SEC16B: variants seen among roughly 807,000 people sequenced by gnomAD.
SEC16B encodes the protein SEC16 homolog B, endoplasmic reticulum export factor.
SEC16B carries 115 observed loss-of-function variants against 141.8 expected under a neutral mutation model. The observed-to-expected ratio is 0.81, with a 90% CI of 0.70 to 0.95. The LOEUF (loss-of-function observed/expected upper bound fraction) is 0.95. Among genes scored for constraint, SEC16B ranks in the 40% least tolerant of loss-of-function variants. The pLI is 0.00. For missense variants in SEC16B, 1,291 were observed against 1,312.3 expected (o/e 0.98, Z 0.25); for synonymous variants, 493 against 492.5 (o/e 1.00, Z -0.01).
In SEC16B at chr1:177,960,772, G is replaced by T; in HGVS notation, c.936+19C>A. 1 of 1,596,352 alleles carries T rather than the reference G, an allele frequency of 6.3e-7. No individual in the cohort carries two copies. Among genetic ancestry groups the T allele is most frequent in the East Asian group, 2.3e-5 (1 of 44,250 alleles). The stretch of plus-strand genomic sequence containing the variant: ...GTAAGCAGTGTGCCAGCATTCCAGG[G>T]ACACTGGGTCTTCTTTACCTCCATG... On this transcript the variant is annotated intron_variant, in intron 7 of 25. Coordinates refer to ENST00000308284, the MANE Select transcript of SEC16B (RefSeq NM_033127.4).
chr1:177,944,150 G>A (rs1374129338), intron 15 of SEC16B, among the ~76,000 whole-genome samples: 1 of 152,192 alleles, frequency 6.6e-6, no homozygotes. Flanking sequence ...AAGGAGTGCG[G>A]AGCAGAGGGA....
In SEC16B at chr1:177,932,688, G is replaced by C. The variant is rs757912526; in HGVS notation, c.2932+10C>G. The stretch of plus-strand genomic sequence containing the variant: ...CCACCCATGGCCCAGAGGACGTGAG[G>C]TGACGGTACCTCTGCCCCTGGAGAA... On this transcript the variant is annotated intron_variant, in intron 23 of 25. Coordinates refer to ENST00000308284, the MANE Select transcript of SEC16B (RefSeq NM_033127.4). 2 of 1,568,376 alleles carry C rather than the reference G, an allele frequency of 1.3e-6. No homozygotes were observed. The highest frequency in any genetic ancestry group is 8.6e-7 in the Non-Finnish European group (1 of 1,158,376).
intron 13 of SEC16B, among the ~76,000 whole-genome samples, chr1:177,946,790 A>G (rs1651751007): frequency 6.6e-6 from 1 of 152,118 alleles, no homozygotes; most frequent in Non-Finnish European, 1.5e-5. Context: ...TCCCTAAAGG[A>G]CTTTTTACGA....
At chr1:177,968,352 T>C (rs1270387165) in intron 1 of SEC16B, among the ~76,000 whole-genome samples, 1 of 152,234 alleles carries the variant, frequency 6.6e-6, no homozygotes. Flanking sequence ...CAGTTGATGT[T>C]TCTTCACATA....
chr1:177,969,240 C>T (rs1316716588), intron 1 of SEC16B, among the ~76,000 whole-genome samples: 3 of 152,138 alleles, frequency 2.0e-5, no homozygotes, highest in African/African-American at 4.8e-5. Context: ...GAAATTGAGA[C>T]GTCACTCTGC....
intron 19 of SEC16B, 84 bp from the exon 20 acceptor site, chr1:177,936,449 C>T: frequency 8.2e-7 from 1 of 1,216,112 alleles, no homozygotes; most frequent in Non-Finnish European, 1.2e-6. Context: ...GGGACACAAT[C>T]AGCTTTCTTA....
chr1:177,975,832 C>G (rs766614694), intron 1 of SEC16B, among the ~76,000 whole-genome samples: 1 of 152,186 alleles, frequency 6.6e-6, no homozygotes, highest in African/African-American at 2.4e-5. Context: ...GGATATGGAA[C>G]TCTCATGGCC....
Position 177,942,767 on chromosome 1 carries a change from C to A in SEC16B, c.1882-727G>T, listed in dbSNP as rs530434690. 9.9e-5 allele frequency among the ~76,000 whole-genome samples: 15 copies of A among 152,176 alleles called. No homozygotes were observed. The East Asian group carries it at 2.9e-3, about 29-fold the overall frequency. On this transcript the variant is annotated intron_variant, in intron 15 of 25. Coordinates refer to ENST00000308284, the MANE Select transcript of SEC16B (RefSeq NM_033127.4). ...TAAGCGCTCGTGAAAGCATGAGTGG[C>A]AGGGCAGGATCAAGTGTGAGGGCTT...
chr1:177,972,060 C>A (rs1203016128), upstream of SEC16B, among the ~76,000 whole-genome samples: 5 of 152,202 alleles, frequency 3.3e-5, no homozygotes, highest in Non-Finnish European at 5.9e-5. Flanking sequence ...CATTCTGTTA[C>A]TAGCCTTCAT....
intron 5 of SEC16B, 88 bp from the exon 6 acceptor site, chr1:177,961,822 G>T (rs1436250526): frequency 8.4e-7 from 1 of 1,194,600 alleles, no homozygotes; most frequent in Non-Finnish European, 1.2e-6. Flanking sequence ...AATACATACG[G>T]TGAAAGTGGA....
Position 177,951,932 on chromosome 1 carries a change from C to T in SEC16B, c.1527G>A (p.Arg509=), listed in dbSNP as rs758470855. Residue 509 remains arginine, a synonymous_variant, in exon 12 of 26, where the codon AGG becomes AGA. Transcript: ENST00000308284. ...LQTLFQLMSG[R]IPQAATCCGE... ...GGGGTACCGTGGCTGCCTGTGGAAT[C>T]CTCCCCGACATGAGCTGGAAGAGGG... 1 of 1,605,852 alleles carries T rather than the reference C, an allele frequency of 6.2e-7. No homozygotes were observed. Among genetic ancestry groups the T allele is most frequent in the South Asian group, 1.1e-5 (1 of 88,826 alleles).
intron 19 of SEC16B, 89 bp downstream of exon 19, chr1:177,937,125 C>T (rs2101909121): frequency 7.1e-7 from 1 of 1,415,014 alleles, no homozygotes; most frequent in Non-Finnish European, 9.5e-7. Context: ...AACCCTACCT[C>T]CTCTGACTGG....
chr1:177,948,658 T>C (rs942196032), intron 12 of SEC16B: 49 of 1,277,146 alleles, frequency 3.8e-5, no homozygotes, highest in Non-Finnish European at 4.9e-5. Flanking sequence ...AAGGAGAATT[T>C]CAAGGCAGAA....
chr1:177,954,186 A>G (rs1016861080), intron 11 of SEC16B, 93 bp downstream of exon 11: 9 of 838,926 alleles, frequency 1.1e-5, no homozygotes, highest in Admixed American at 8.6e-5. Flanking sequence ...GAGTCTCCTT[A>G]GCGCGTCTGA....
intron 1 of SEC16B, among the ~76,000 whole-genome samples, chr1:177,978,327 T>C (rs573985243): frequency 1.6e-4 from 25 of 152,332 alleles, no homozygotes; most frequent in African/African-American, 5.8e-4. Flanking sequence ...AATTAATGCA[T>C]GATCTAGGAA....
chr1:177,933,351 G>C (rs1411702293), intron 21 of SEC16B, 39 bp from the exon 22 acceptor site: 1 of 1,564,110 alleles, frequency 6.4e-7, no homozygotes, highest in African/African-American at 1.4e-5. Context: ...CTGCAGGTTG[G>C]CTTCTTCCCC....
At chr1:177,959,096 A>G in intron 8 of SEC16B, 121 bp from the exon 9 acceptor site, 1 of 1,033,114 alleles carries the variant, frequency 9.7e-7, no homozygotes, top group Non-Finnish European at 1.5e-6. Flanking sequence ...GAAATCTGAC[A>G]AGCCAGGGCT....
intron 13 of SEC16B, 37 bp from the exon 14 acceptor site, chr1:177,946,568 A>C (rs1452697700): frequency 5.4e-6 from 8 of 1,481,818 alleles, no homozygotes; most frequent in Non-Finnish European, 7.4e-6. Context: ...ATCACGGAGC[A>C]CACCCGTATG....
At chr1:177,935,862 C>T (rs1050783903) in intron 20 of SEC16B, among the ~76,000 whole-genome samples, 1 of 152,184 alleles carries the variant, frequency 6.6e-6, no homozygotes, top group Non-Finnish European at 1.5e-5. Flanking sequence ...ACATGAGGAC[C>T]TTACAGCCTA....
Sources: gnomAD v4.1 joint callset for allele counts (sites outside exome capture counted in the v4.1 genomes callset) on GRCh38, gnomAD v4.1.1 for gene constraint, MANE v1.5 for transcripts, NCBI Gene and HGNC (gene_info 2026-07-23, HGNC 2026-07-21) for gene names.